Variants in ARL17A observed in about 807,000 individuals in gnomAD.
The protein encoded by ARL17A is ARF like GTPase 17A.
At chr17:46,569,413 T>C (rs2057652295) in intron 3 of ARL17A, among the ~76,000 whole-genome samples, 1 of 150,658 alleles carries the variant, frequency 6.6e-6, no homozygotes, top group South Asian at 2.1e-4. Context: ...ATAAAAGGCA[T>C]CATGTCTGGG....
intron 3 of ARL17A, among the ~76,000 whole-genome samples, chr17:46,558,346 T>C (rs1181839329): frequency 9.2e-6 from 1 of 108,864 alleles, no homozygotes; most frequent in Non-Finnish European, 1.8e-5. Flanking sequence ...AGGTGCGAGC[T>C]ACCGCGCCTG....
In ARL17A at chr17:46,544,666, C is replaced by G. The variant is rs866498461; in HGVS notation, c.260-6240G>C. On this transcript the variant is annotated intron_variant, in intron 3 of 4. Transcript: ENST00000329240. The stretch of plus-strand genomic sequence containing the variant: ...CTATGGAATCTGTATTCTTAATGAC[C>G]ATGCTATACTGCCTAAGATTAACCT... 1.4e-4 allele frequency among the ~76,000 whole-genome samples: 11 copies of G among 77,036 alleles called. 2 individuals are homozygous for G. The highest frequency in any genetic ancestry group is 7.7e-4 in the African/African-American group (10 of 12,916). The allele number at this position is 77,036 out of a possible 152,430, so 50.5% of individuals were successfully genotyped here.
At chr17:46,574,969 G>A (rs1450638316) in intron 2 of ARL17A, among the ~76,000 whole-genome samples, 49 of 60,938 alleles carry the variant, frequency 8.0e-4, no homozygotes, top group African/African-American at 2.7e-3. Flanking sequence ...GGTGGTGAAC[G>A]TCTGTAATTC....
downstream of ARL17A, among the ~76,000 whole-genome samples, chr17:46,526,509 A>G (rs1434765877): frequency 9.5e-6 from 1 of 105,298 alleles, no homozygotes; most frequent in Admixed American, 8.7e-5. Context: ...TTTTGTATTC[A>G]TAATTTTTTT....
intron 3 of ARL17A, among the ~76,000 whole-genome samples, chr17:46,543,080 A>G (rs2055683592): frequency 6.7e-6 from 1 of 149,898 alleles, no homozygotes; most frequent in Non-Finnish European, 1.5e-5. Context: ...GTTCTCTAAG[A>G]TAGTGAGGAT....
rs1418576670 is a variant in ARL17A, at chr17:46,544,804, G to A, written c.260-6378C>T. The stretch of plus-strand genomic sequence containing the variant: ...CTCTTTTGCCCAAATTTACGTATTG[G>A]AAAAAATTCAAACAAGCCAGAAAGA... On this transcript the variant is annotated intron_variant, in intron 3 of 4. Transcript: ENST00000329240. Among the ~76,000 whole-genome samples the A allele has an allele frequency of 3.9e-4, 45 of 115,730 alleles. 2 individuals carry two copies. The highest frequency in any genetic ancestry group is 4.5e-4 in the African/African-American group (12 of 26,470). The allele number at this position is 115,730 out of a possible 152,430, so 75.9% of individuals were successfully genotyped here.
intron 4 of ARL17A, among the ~76,000 whole-genome samples, chr17:46,531,867 A>G (rs1274945158): frequency 8.0e-6 from 1 of 125,654 alleles, no homozygotes; most frequent in Non-Finnish European, 1.6e-5. Flanking sequence ...TTTGGAGAAG[A>G]AAAAACTGTT....
At chr17:46,534,888 C>A (rs1428511953) in intron 4 of ARL17A, among the ~76,000 whole-genome samples, 19 of 149,404 alleles carry the variant, frequency 1.3e-4, no homozygotes, top group African/African-American at 4.3e-4. Flanking sequence ...ACTTCTCAGA[C>A]GGGGCGGCTG....
chr17:46,568,490 G>A (rs2057574608), intron 3 of ARL17A, among the ~76,000 whole-genome samples: 1 of 120,608 alleles, frequency 8.3e-6, no homozygotes, highest in African/African-American at 3.4e-5. Flanking sequence ...TGTGGAATAA[G>A]CAGTTAAAAA....
At chr17:46,501,144 C>T in the ARL17A span, among the ~76,000 whole-genome samples, 1 of 151,272 alleles carries the variant, frequency 6.6e-6, no homozygotes, top group African/African-American at 2.5e-5. Flanking sequence ...CCTGCCTCAG[C>T]CTCTTAAGTA....
At chr17:46,543,818 G>T (rs2055866300) in intron 3 of ARL17A, among the ~76,000 whole-genome samples, 1 of 150,760 alleles carries the variant, frequency 6.6e-6, no homozygotes, top group African/African-American at 2.5e-5. Flanking sequence ...ATAAAAACTT[G>T]GGGGCAGAAA....
At chr17:46,503,396 GAT>G in the ARL17A span, among the ~76,000 whole-genome samples, 1 of 147,576 alleles carries the variant, frequency 6.8e-6, no homozygotes. Context: ...AAAAGAATAA[GAT>G]ATGTTTTCCT....
chr17:46,503,176 C>T, the ARL17A span, among the ~76,000 whole-genome samples: 1 of 139,238 alleles, frequency 7.2e-6, no homozygotes, highest in African/African-American at 2.8e-5. Context: ...CATGCCACTG[C>T]ACTCCAGCCT....
downstream of ARL17A, among the ~76,000 whole-genome samples, chr17:46,516,021 CT>C (rs2051226142): frequency 1.6e-5 from 2 of 124,792 alleles, no homozygotes; most frequent in Non-Finnish European, 3.3e-5. Context: ...AGGGAAGAGG[CT>C]GGGTGTGGTG....
chr17:46,534,179 T>TTTTTTG (rs1463336174), intron 4 of ARL17A, among the ~76,000 whole-genome samples: 170 of 148,500 alleles, frequency 1.1e-3, no homozygotes, highest in African/African-American at 4.1e-3. Context: ...ATGCCCAGTT[T>TTTTTTG]TTTTTGTTTT....
downstream of ARL17A, chr17:46,512,822 C>T (rs1408040190): frequency 1.3e-6 from 1 of 765,696 alleles, no homozygotes; most frequent in Admixed American, 2.5e-5. Flanking sequence ...GTTAAGGAGG[C>T]TCAGCCTCTG....
rs1287062924 is a variant in ARL17A, at chr17:46,520,705, G to C, written c.260-3472C>G. ...AAAGAAAAGAAACAAAGAAATATGC[G>C]AGAGATCATATGTGGCCCATAAAAC... On this transcript the variant is annotated intron_variant, in intron 3 of 4. Transcript: ENST00000445552. Among the ~76,000 whole-genome samples the C allele has an allele frequency of 1.6e-4, 5 of 31,860 alleles. 2 individuals are homozygous for C. The highest frequency in any genetic ancestry group is 6.3e-4 in the African/African-American group (5 of 7,980). 20.9% of individuals were successfully genotyped at this position (31,860 alleles called of 152,430 possible).
chr17:46,569,349 TTATA>T (rs369186347), intron 3 of ARL17A, among the ~76,000 whole-genome samples: 2 of 147,170 alleles, frequency 1.4e-5, no homozygotes, highest in African/African-American at 5.1e-5. Flanking sequence ...CATGAAGATT[TTATA>T]TATATATATA....
chr17:46,549,029 C>T (rs1598519486), downstream of ARL17A: 1 of 1,612,248 alleles, frequency 6.2e-7, no homozygotes, highest in Non-Finnish European at 8.5e-7. Flanking sequence ...ACGTCTAAAC[C>T]AATCGTACAT....
Sources: gnomAD v4.1 joint callset for allele counts (sites outside exome capture counted in the v4.1 genomes callset) on GRCh38, gnomAD v4.1.1 for gene constraint, MANE v1.5 for transcripts, NCBI Gene and HGNC (gene_info 2026-07-23, HGNC 2026-07-21) for gene names.